The following STK31 variants were observed in gnomAD, a reference collection of about 807,000 sequenced individuals.
STK31 encodes the protein serine/threonine kinase 31, also known as serine/threonine-protein kinase 31.
A neutral mutation model predicts 129.7 loss-of-function variants in STK31; 89 were observed. The observed-to-expected ratio is 0.69, with a 90% CI of 0.58 to 0.82. The LOEUF is 0.82. Among genes scored for constraint, STK31 ranks in the 40% least tolerant of loss-of-function variants. The probability of loss-of-function intolerance (pLI) is 0.00; values close to 1 mark genes in which losing one functional copy is unlikely to be tolerated. For synonymous variants in STK31, 448 were observed against 395.3 expected (o/e 1.13, Z -1.58); for missense variants, 1,187 against 1,176.4 (o/e 1.01, Z -0.13).
chr7:23,803,643 C>T (rs1314946496), intron 22 of STK31, among the ~76,000 whole-genome samples: 5 of 152,050 alleles, frequency 3.3e-5, no homozygotes, highest in Non-Finnish European at 5.9e-5. Context: ...TAGATAAACT[C>T]GTGCCACAGG....
At chr7:23,819,079 T>C (rs1342064219) in intron 23 of STK31, among the ~76,000 whole-genome samples, 1 of 152,324 alleles carries the variant, frequency 6.6e-6, no homozygotes, top group Middle Eastern at 3.4e-3. Context: ...ATTGTCCCAT[T>C]TGTTATGAGA....
rs10264967 is a variant in STK31, at chr7:23,735,858, G to T, written c.804G>T (p.Lys268Asn). 253,909 of 1,590,170 alleles carry T rather than the reference G, an allele frequency of 0.16. 21,955 individuals carry two copies. The highest frequency in any genetic ancestry group is 0.18 in the Non-Finnish European group (209,340 of 1,167,460). ...GTGAGAAAATGACTCTTGACTTGAAGGATGAAAATGATGCAGGCAATCTTA... is the reference window on the plus strand; with the variant it reads ...GTGAGAAAATGACTCTTGACTTGAATGATGAAAATGATGCAGGCAATCTTA... ...HLSEKMTLDL[K>N]DENDAGNLIT... Residue 268 changes from lysine to asparagine, a missense_variant, in exon 7 of 24, where the codon AAG (lysine) becomes AAT (asparagine). Lys to Asn is a moderately conservative substitution (Grantham distance 94, BLOSUM62 0). Around this residue, in one of 5 missense-constraint regions of STK31, gnomAD observed 975 missense variants for 934.9 expected, o/e 1.04. Coordinates refer to ENST00000355870, the MANE Select transcript of STK31 (RefSeq NM_031414.5).
chr7:23,712,456 A>T (rs1047107546), intron 3 of STK31, among the ~76,000 whole-genome samples, 170 bp downstream of exon 3: 14 of 152,128 alleles, frequency 9.2e-5, no homozygotes, highest in African/African-American at 3.4e-4. Context: ...GACAGCTGTG[A>T]TGTTACTTGA....
At chr7:23,800,215 C>T (rs1314981641) in intron 22 of STK31, among the ~76,000 whole-genome samples, 1 of 152,106 alleles carries the variant, frequency 6.6e-6, no homozygotes, top group Admixed American at 6.5e-5. Context: ...CCATTTGACC[C>T]AGCAATCGCA....
chr7:23,783,727 A>C, intron 17 of STK31, 64 bp downstream of exon 17: 1 of 1,319,488 alleles, frequency 7.6e-7, no homozygotes, highest in South Asian at 1.3e-5. Flanking sequence ...ATAATATTAA[A>C]TTTGTGTCAG....
intron 23 of STK31, among the ~76,000 whole-genome samples, chr7:23,824,347 T>G (rs1194141184): frequency 6.6e-6 from 1 of 152,202 alleles, no homozygotes; most frequent in Non-Finnish European, 1.5e-5. Flanking sequence ...GGTATTTTAT[T>G]CTCTTTGAAG....
At chr7:23,796,930 A>C (rs1554295427) in intron 22 of STK31, among the ~76,000 whole-genome samples, 5 of 128,368 alleles carry the variant, frequency 3.9e-5, no homozygotes, top group Non-Finnish European at 8.7e-5. Context: ...TACCAAGATA[A>C]TGGAAAGCAA....
intron 5 of STK31, among the ~76,000 whole-genome samples, chr7:23,728,629 T>A (rs1429799193): frequency 6.6e-6 from 1 of 152,216 alleles, no homozygotes; most frequent in East Asian, 1.9e-4. Flanking sequence ...GTAAGGGTGG[T>A]GAATCTGATT....
chr7:23,800,646 T>C (rs1369561596), intron 22 of STK31, among the ~76,000 whole-genome samples: 1 of 152,014 alleles, frequency 6.6e-6, no homozygotes, highest in African/African-American at 2.4e-5. Flanking sequence ...ATACCTAATG[T>C]AGATTATGGT....
chr7:23,721,732 A>G, intron 4 of STK31: 1 of 759,502 alleles, frequency 1.3e-6, no homozygotes, highest in Non-Finnish European at 2.4e-6. Context: ...CAAGTGGAGC[A>G]AATGACACAA....
intron 17 of STK31, among the ~76,000 whole-genome samples, chr7:23,784,181 C>T (rs538292070): frequency 6.6e-6 from 1 of 152,176 alleles, no homozygotes; most frequent in African/African-American, 2.4e-5. Flanking sequence ...TTAGTAAACA[C>T]TGGTTTACTA....
intron 11 of STK31, among the ~76,000 whole-genome samples, chr7:23,763,893 T>C (rs968540261): frequency 6.6e-6 from 1 of 152,210 alleles, no homozygotes; most frequent in Non-Finnish European, 1.5e-5. Flanking sequence ...TTATGTATCT[T>C]TGAATTTTTA....
chr7:23,785,758 T>G (rs1267362758), intron 18 of STK31, among the ~76,000 whole-genome samples, 155 bp downstream of exon 18: 4 of 150,916 alleles, frequency 2.7e-5, no homozygotes, highest in Non-Finnish European at 5.9e-5. Flanking sequence ...TTGCCAGAAC[T>G]AATTTTCACT....
intron 23 of STK31, among the ~76,000 whole-genome samples, chr7:23,815,832 C>T (rs568147493): frequency 6.6e-6 from 1 of 151,836 alleles, no homozygotes; most frequent in South Asian, 2.1e-4. Flanking sequence ...AAAAAAAGTA[C>T]TTGGGGGGAA....
intron 22 of STK31, among the ~76,000 whole-genome samples, chr7:23,797,782 G>A (rs1192296372): frequency 1.4e-5 from 2 of 144,414 alleles, no homozygotes; most frequent in African/African-American, 5.1e-5. Flanking sequence ...TGCAGGAGCT[G>A]GAGACATGAA....
chr7:23,723,614 G>A (rs1786863363), intron 4 of STK31, among the ~76,000 whole-genome samples: 1 of 152,146 alleles, frequency 6.6e-6, no homozygotes, highest in African/African-American at 2.4e-5. Context: ...TACTTTGTCA[G>A]TTTTCCTTAG....
At chr7:23,775,052 T>C (rs1790451942) in intron 15 of STK31, among the ~76,000 whole-genome samples, 1 of 151,674 alleles carries the variant, frequency 6.6e-6, no homozygotes, top group African/African-American at 2.4e-5. Context: ...CCCATTGCTT[T>C]CCCAGTTTTC....
At chr7:23,796,877 C>A (rs908174077) in intron 22 of STK31, among the ~76,000 whole-genome samples, 1 of 151,636 alleles carries the variant, frequency 6.6e-6, no homozygotes, top group Non-Finnish European at 1.5e-5. Context: ...ATCTCACATA[C>A]AAAGACACAC....
At chr7:23,741,280 T>C (rs984910945) in intron 8 of STK31, among the ~76,000 whole-genome samples, 3 of 152,184 alleles carry the variant, frequency 2.0e-5, no homozygotes, top group Admixed American at 1.3e-4. Context: ...TGGCAAGAGG[T>C]ATTTAGATAC....
Sources: allele counts gnomAD v4.1 joint callset (sites outside exome capture counted in the v4.1 genomes callset), GRCh38; gene constraint gnomAD v4.1.1; regional missense constraint gnomAD v4.1.1; transcripts MANE v1.5; gene names NCBI Gene and HGNC (gene_info 2026-07-23, HGNC 2026-07-21).